The following TOX variants were observed in gnomAD, a reference collection of about 807,000 sequenced individuals.
The protein encoded by TOX is thymocyte selection associated high mobility group box.
A neutral mutation model predicts 53.7 loss-of-function variants in TOX; 11 were observed. That is an observed-to-expected ratio of 0.20 (90% CI 0.13 to 0.34). TOX has a LOEUF of 0.34. Among genes scored for constraint, TOX ranks in the 10% least tolerant of loss-of-function variants. TOX has a pLI of 1.00. For missense variants in TOX, 570 were observed against 664.6 expected, an observed-to-expected ratio of 0.86 and a Z score of 1.56; for synonymous variants, 225 against 245.3, an observed-to-expected ratio of 0.92 and a Z score of 0.77.
chr8:58,807,397 A>G lies in TOX; in HGVS notation c.*350T>C, dbSNP rs1809997733. On this transcript the variant is annotated 3_prime_UTR_variant, in exon 9 of 9. Transcript: ENST00000361421. ...AAAAGTCTTTAGTAGTTTCATATAA[A>G]CACCCATTATGAAAACCAATGGAAA... 1 of 233,542 alleles carries G rather than the reference A, an allele frequency of 4.3e-6. No individual in the cohort carries two copies. The highest frequency in any genetic ancestry group is 8.5e-6 in the Non-Finnish European group (1 of 117,406). The allele number at this position is 233,542 out of a possible 1,614,324, so 14.5% of individuals were successfully genotyped here.
At chr8:58,882,748 T>C (rs991354510) in intron 3 of TOX, among the ~76,000 whole-genome samples, 20 of 152,232 alleles carry the variant, frequency 1.3e-4, no homozygotes, top group African/African-American at 4.3e-4. Context: ...TCACTGAAAG[T>C]ATCACAGCAC....
intron 1 of TOX, among the ~76,000 whole-genome samples, chr8:59,085,657 G>A (rs1426717965): frequency 6.6e-6 from 1 of 152,186 alleles, no homozygotes; most frequent in Non-Finnish European, 1.5e-5. Context: ...CATTGTTCTG[G>A]CATTACAGGC....
chr8:59,108,977 A>C (rs1375365656), intron 1 of TOX, among the ~76,000 whole-genome samples: 1 of 152,194 alleles, frequency 6.6e-6, no homozygotes, highest in Non-Finnish European at 1.5e-5. Flanking sequence ...AATATGGCTT[A>C]AGAAGCTTTT....
rs10113483 is a variant in TOX, at chr8:59,006,822, A to T, written c.103-46814T>A. ...AAATGGGATCTTTTTGTGCACAGACATCCAGACCAAAAAATGACTCCTGGA... is the reference window on the plus strand; with the variant it reads ...AAATGGGATCTTTTTGTGCACAGACTTCCAGACCAAAAAATGACTCCTGGA... On this transcript the variant is annotated intron_variant, in intron 1 of 8. Transcript: ENST00000361421. 9.3e-3 allele frequency among the ~76,000 whole-genome samples: 1,421 copies of T among 152,316 alleles called. 32 individuals carry two copies. The highest frequency in any genetic ancestry group is 0.033 in the African/African-American group (1,361 of 41,546).
chr8:58,813,027 A>T (rs935597864), intron 7 of TOX, among the ~76,000 whole-genome samples: 2 of 152,234 alleles, frequency 1.3e-5, no homozygotes. Flanking sequence ...GGCTTATGCC[A>T]TTTGGGTAAA....
intron 1 of TOX, among the ~76,000 whole-genome samples, chr8:59,042,462 G>A (rs1220830347): frequency 1.3e-5 from 2 of 152,148 alleles, no homozygotes; most frequent in East Asian, 1.9e-4. Flanking sequence ...TAACAAGGGA[G>A]GAACAACTGA....
intron 3 of TOX, among the ~76,000 whole-genome samples, chr8:58,936,221 G>A (rs1812341978): frequency 6.6e-6 from 1 of 152,086 alleles, no homozygotes; most frequent in Admixed American, 6.6e-5. Context: ...TCTGATTTTT[G>A]AACACTCTCC....
intron 2 of TOX, among the ~76,000 whole-genome samples, chr8:58,958,316 T>C (rs936969321): frequency 4.6e-5 from 7 of 152,248 alleles, no homozygotes; most frequent in Non-Finnish European, 8.8e-5. Context: ...GTATATGTTC[T>C]GAATTTCCAA....
intron 1 of TOX, among the ~76,000 whole-genome samples, chr8:58,994,319 C>T (rs193249029): frequency 5.3e-5 from 8 of 151,794 alleles, no homozygotes; most frequent in Middle Eastern, 3.4e-3. Context: ...AGAACACACA[C>T]GTATTTCCAT....
chr8:58,865,494 T>A (rs955027763), intron 3 of TOX, among the ~76,000 whole-genome samples: 7 of 152,126 alleles, frequency 4.6e-5, no homozygotes, highest in Non-Finnish European at 1.5e-5. Context: ...CTGTCCCTGT[T>A]AAATACCTGA....
intron 1 of TOX, among the ~76,000 whole-genome samples, chr8:59,054,611 A>G (rs558659552): frequency 7.2e-5 from 11 of 151,912 alleles, no homozygotes; most frequent in Non-Finnish European, 1.5e-4. Flanking sequence ...AACAACAATT[A>G]AAAAAAATAG....
At chr8:59,050,291 T>C (rs1318074475) in intron 1 of TOX, among the ~76,000 whole-genome samples, 2 of 152,168 alleles carry the variant, frequency 1.3e-5, no homozygotes, top group Non-Finnish European at 2.9e-5. Context: ...GACTTGGAGC[T>C]GAAACTCCAA....
intron 1 of TOX, among the ~76,000 whole-genome samples, chr8:59,051,579 A>G (rs910339731): frequency 6.6e-6 from 1 of 152,158 alleles, no homozygotes; most frequent in Admixed American, 6.5e-5. Flanking sequence ...ACCACACTAG[A>G]AACTGGTCAC....
intron 2 of TOX, among the ~76,000 whole-genome samples, chr8:58,950,610 G>T (rs1187000375): frequency 3.9e-5 from 6 of 152,154 alleles, no homozygotes; most frequent in African/African-American, 1.2e-4. Context: ...TTGAAAAAAT[G>T]AAGACAATTT....
chr8:58,997,089 T>A (rs117617176), intron 1 of TOX, among the ~76,000 whole-genome samples: 1,968 of 152,264 alleles, frequency 0.013, 34 homozygotes, highest in South Asian at 0.039. Flanking sequence ...CTGAAAGAGA[T>A]CTTACAAAAA....
chr8:59,079,748 C>T (rs944094381), intron 1 of TOX, among the ~76,000 whole-genome samples: 1 of 152,156 alleles, frequency 6.6e-6, no homozygotes, highest in African/African-American at 2.4e-5. Context: ...AAGCCCCACA[C>T]ACAGTCCCAG....
In TOX at chr8:58,877,858, T is replaced by TA. The variant is rs76496222; in HGVS notation, c.412-26054dup. Among the ~76,000 whole-genome samples the TA allele has an allele frequency of 8.9e-4, 131 of 147,714 alleles. 1 individual carries two copies. Among genetic ancestry groups the TA allele is most frequent in the Admixed American group, 2.1e-3 (31 of 14,822 alleles). On this transcript the variant is annotated intron_variant, in intron 3 of 8. Transcript: ENST00000361421. Reference sequence around the variant, plus strand: ...GAATATTTGGAGAAAGCCTACATATTAAAAAAAAAAAAAGCCTCAGGAAAA... The same window carrying TA: ...GAATATTTGGAGAAAGCCTACATATTAAAAAAAAAAAAAAGCCTCAGGAAAA...
At chr8:58,813,476 A>G (rs1366648150) in intron 7 of TOX, among the ~76,000 whole-genome samples, 1 of 152,182 alleles carries the variant, frequency 6.6e-6, no homozygotes, top group Admixed American at 6.5e-5. Context: ...TACCCAACCA[A>G]GGGTGGCATC....
chr8:58,880,651 A>T (rs1811368316), intron 3 of TOX, among the ~76,000 whole-genome samples: 1 of 152,192 alleles, frequency 6.6e-6, no homozygotes, highest in Non-Finnish European at 1.5e-5. Flanking sequence ...TGAGAGATAG[A>T]GCTCTGCATG....
Sources: allele counts gnomAD v4.1 joint callset (sites outside exome capture counted in the v4.1 genomes callset), GRCh38; gene constraint gnomAD v4.1.1; transcripts MANE v1.5; gene names NCBI Gene and HGNC (gene_info 2026-07-23, HGNC 2026-07-21).